Variants in RABEP1 observed in about 807,000 individuals in gnomAD.
RABEP1 encodes rabaptin, RAB GTPase binding effector protein 1, also known as rab GTPase-binding effector protein 1.
Under a neutral mutation model 123.4 loss-of-function variants are expected in RABEP1, and 51 were observed. The ratio of observed to expected loss-of-function variants is 0.41; its 90% CI spans 0.33 to 0.52. The LOEUF is 0.52. RABEP1 is among the 20% of genes least tolerant of loss of function. The pLI is 0.16. For missense variants in RABEP1, 888 were observed against 996.3 expected, an observed-to-expected ratio of 0.89 and a Z score of 1.46; for synonymous variants, 347 against 355.2, an observed-to-expected ratio of 0.98 and a Z score of 0.26.
intron 9 of RABEP1, among the ~76,000 whole-genome samples, chr17:5,362,615 A>G (rs927306247): frequency 7.9e-5 from 12 of 152,178 alleles, no homozygotes; most frequent in Non-Finnish European, 1.6e-4. Context: ...TTGGTTGTTT[A>G]GTATTATACC....
intron 1 of RABEP1, among the ~76,000 whole-genome samples, chr17:5,284,917 A>T (rs2074962991): frequency 6.6e-6 from 1 of 151,698 alleles, no homozygotes. Flanking sequence ...CTAACTGCTT[A>T]GTCTTTGACT....
In RABEP1 at chr17:5,385,555, C is replaced by G. The variant is rs1368880735; in HGVS notation, c.*2332C>G. ...GACAAAATCACATTCTGCATACTAA[C>G]CTATTTTTTTCTCCCTTTAAGGTGC... On this transcript the variant is annotated 3_prime_UTR_variant, in exon 18 of 18. Coordinates refer to ENST00000537505, the MANE Select transcript of RABEP1 (RefSeq NM_004703.6). The G allele has an allele frequency of 1.7e-5, 4 of 230,758 alleles. No individual in the cohort carries two copies. Among genetic ancestry groups the G allele is most frequent in the Non-Finnish European group, 3.4e-5 (4 of 116,656 alleles). 14.3% of individuals were successfully genotyped at this position (230,758 alleles called of 1,614,324 possible).
At chr17:5,294,831 A>G (rs1597328211) in intron 1 of RABEP1, among the ~76,000 whole-genome samples, 1 of 150,890 alleles carries the variant, frequency 6.6e-6, no homozygotes, top group Non-Finnish European at 1.5e-5. Flanking sequence ...TATTTTTAGT[A>G]GAGACAGGGT....
Position 5,323,707 on chromosome 17 carries a change from T to C in RABEP1, c.164-8242T>C, listed in dbSNP as rs1446028458. Among the ~76,000 whole-genome samples, 6 of 130,830 alleles carry C rather than the reference T, an allele frequency of 4.6e-5. 1 individual carries two copies. The Admixed American group carries it at 4.6e-4, about 10-fold the overall frequency. 85.8% of individuals were successfully genotyped at this position (130,830 alleles called of 152,430 possible). A position where few individuals can be genotyped will look rare whatever the true frequency, so the allele number is the denominator to read the frequency against. ...ATATATATATCTCTCTCTAGGAATA[T>C]ATATATATATCTAGGAATATATATA... On this transcript the variant is annotated intron_variant, in intron 2 of 17. Coordinates refer to ENST00000537505, the MANE Select transcript of RABEP1 (RefSeq NM_004703.6).
chr17:5,316,848 A>C (rs1481945552), intron 2 of RABEP1, among the ~76,000 whole-genome samples: 3 of 151,166 alleles, frequency 2.0e-5, no homozygotes, highest in Admixed American at 1.3e-4. Context: ...AAAAAAAAAA[A>C]AAAAAAAATA....
rs996032175 is a variant in RABEP1, at chr17:5,383,140, C to T, written c.2506C>T (p.Arg836Trp). 5 of 1,613,938 alleles carry T rather than the reference C, an allele frequency of 3.1e-6. No homozygotes were observed. The highest frequency in any genetic ancestry group is 1.3e-5 in the African/African-American group (1 of 74,890). ...QTLQVQLERI[R>W]QADSLERIRA... Reference sequence around the variant, plus strand: ...TCTCCAGGTGCAGTTAGAGCGGATCCGGCAAGCTGACTCCTTGGAGAGAAT... The same window carrying T: ...TCTCCAGGTGCAGTTAGAGCGGATCTGGCAAGCTGACTCCTTGGAGAGAAT... Residue 836 changes from arginine to tryptophan, a missense_variant, in exon 18 of 18, where the codon CGG (arginine) becomes TGG (tryptophan). Physicochemically the swap from Arg to Trp is moderately radical, Grantham distance 101 (BLOSUM62 -3). Coordinates refer to ENST00000537505, the MANE Select transcript of RABEP1 (RefSeq NM_004703.6).
intron 2 of RABEP1, among the ~76,000 whole-genome samples, chr17:5,315,858 C>G (rs1216760069): frequency 1.3e-5 from 2 of 151,658 alleles, no homozygotes; most frequent in Non-Finnish European, 2.9e-5. Context: ...TCTCAAAAAA[C>G]AAAACAAAAC....
At chr17:5,364,609 G>A (rs1233230267) in intron 10 of RABEP1, among the ~76,000 whole-genome samples, 4 of 151,546 alleles carry the variant, frequency 2.6e-5, no homozygotes, top group Admixed American at 2.0e-4. Flanking sequence ...GTGCATGCCT[G>A]TAATCCCAGC....
rs1038584649 is a variant in RABEP1, at chr17:5,350,623, A to C, written c.957A>C (p.Lys319Asn). The change falls in exon 7 of 18, where the codon AAA (lysine) becomes AAC (asparagine). Residue 319 changes from lysine (K) to asparagine (N), a missense_variant. Physicochemically the swap from Lys to Asn is moderately conservative, Grantham distance 94. Coordinates refer to ENST00000537505, the MANE Select transcript of RABEP1 (RefSeq NM_004703.6). ...GACAAGTTGAAGAACTGAAGAAGAA[A>C]GATCAGGTGAATAGAAGTTTTTAGG... ...QLRQVEELKK[K>N]DQEDDEQQRL... 6.2e-7 allele frequency: 1 copy of C among 1,613,788 alleles called. No homozygotes were observed. Among genetic ancestry groups the C allele is most frequent in the Non-Finnish European group, 8.5e-7 (1 of 1,179,906 alleles).
chr17:5,383,263 T>C lies in RABEP1; in HGVS notation c.*40T>C, dbSNP rs572572316. ...GATTCTAGCCTGCACTTTGGGTTTT[T>C]AACTCATCTTTAGAGCAACAGTAAT... On this transcript the variant is annotated 3_prime_UTR_variant, in exon 18 of 18. Transcript: ENST00000537505. 1.3e-6 allele frequency: 2 copies of C among 1,491,782 alleles called. No individual in the cohort carries two copies. The highest frequency in any genetic ancestry group is 2.3e-5 in the East Asian group (1 of 44,312). 92.4% of individuals were successfully genotyped at this position (1,491,782 alleles called of 1,614,324 possible).
At position 5,282,369 on chromosome 17, in the gene RABEP1, T is replaced by C. The variant is rs11538946; in HGVS notation, c.-118T>C. 444,896 of 822,394 alleles carry C rather than the reference T, an allele frequency of 0.54. 128,037 individuals are homozygous for C. The highest frequency in any genetic ancestry group is 0.98 in the East Asian group (29,210 of 29,892). The allele number at this position is 822,394 out of a possible 1,614,324, so 50.9% of individuals were successfully genotyped here. On this transcript the variant is annotated 5_prime_UTR_variant, in exon 1 of 18. Transcript: ENST00000537505. The stretch of plus-strand genomic sequence containing the variant: ...GCCGGCGGATCCAGCCTTAGCGGTT[T>C]CTCTCTGGGCGGCGGCGGCGGCGGC...
chr17:5,285,458 T>C (rs1238921829), intron 1 of RABEP1, among the ~76,000 whole-genome samples: 1 of 152,136 alleles, frequency 6.6e-6, no homozygotes, highest in Non-Finnish European at 1.5e-5. Context: ...ATTCTTGCCA[T>C]GTTGGCCAGG....
At chr17:5,324,748 T>C (rs1905802880) in intron 2 of RABEP1, among the ~76,000 whole-genome samples, 1 of 152,306 alleles carries the variant, frequency 6.6e-6, no homozygotes, top group South Asian at 2.1e-4. Context: ...AAGATTCAAA[T>C]AGGCATTTTT....
At chr17:5,345,809 G>A (rs1032246480) in intron 5 of RABEP1, among the ~76,000 whole-genome samples, 2 of 152,066 alleles carry the variant, frequency 1.3e-5, no homozygotes, top group African/African-American at 4.8e-5. Flanking sequence ...GAAGAAATAG[G>A]AAGATAAAAG....
chr17:5,363,279 G>T (rs1277898728), intron 10 of RABEP1, among the ~76,000 whole-genome samples: 1 of 151,056 alleles, frequency 6.6e-6, no homozygotes, highest in Non-Finnish European at 1.5e-5. Context: ...TGGAGTGCAG[G>T]GGGGATCTCA....
At chr17:5,379,163 C>G (rs940207936) in intron 15 of RABEP1, among the ~76,000 whole-genome samples, 4 of 152,216 alleles carry the variant, frequency 2.6e-5, no homozygotes, top group African/African-American at 4.8e-5. Context: ...TCACTCTCAG[C>G]AGATGCTGGC....
rs151320496 is a variant in RABEP1, at chr17:5,294,874, C to G, written c.34+12354C>G. Among the ~76,000 whole-genome samples the G allele has an allele frequency of 3.4e-3, 508 of 151,380 alleles. 1 individual carries two copies. The highest frequency in any genetic ancestry group is 0.01 in the Middle Eastern group (3 of 294). On this transcript the variant is annotated intron_variant, in intron 1 of 17. Coordinates refer to ENST00000537505, the MANE Select transcript of RABEP1 (RefSeq NM_004703.6). ...CGTTAGCCAGGGTGGTCTCGATCTCCTGACCTTGTGATCTGCCGGCCTCGG... is the reference window on the plus strand; with the variant it reads ...CGTTAGCCAGGGTGGTCTCGATCTCGTGACCTTGTGATCTGCCGGCCTCGG...
intron 2 of RABEP1, among the ~76,000 whole-genome samples, chr17:5,330,680 A>C (rs1455628249): frequency 6.6e-6 from 1 of 152,140 alleles, no homozygotes; most frequent in African/African-American, 2.4e-5. Flanking sequence ...TTTTACAAAG[A>C]TGAAGAATTT....
Position 5,291,808 on chromosome 17 carries a change from C to G in RABEP1, c.34+9288C>G, listed in dbSNP as rs554906973. Among the ~76,000 whole-genome samples, 14 of 152,222 alleles carry G rather than the reference C, an allele frequency of 9.2e-5. No individual in the cohort carries two copies. The South Asian group carries it at 2.7e-3, about 29-fold the overall frequency. ...ATCCCAGCTACTCCAGAGGCTGAGA[C>G]AGGAGAGAGTCATCTGAACCTGGGA... On this transcript the variant is annotated intron_variant, in intron 1 of 17. Transcript: ENST00000537505.
Sources: gnomAD v4.1 joint callset for allele counts (sites outside exome capture counted in the v4.1 genomes callset) on GRCh38, gnomAD v4.1.1 for gene constraint, MANE v1.5 for transcripts, NCBI Gene and HGNC (gene_info 2026-07-23, HGNC 2026-07-21) for gene names.